POLR3B: variants seen among roughly 807,000 people sequenced by gnomAD.
POLR3B encodes the protein RNA polymerase III subunit B.
A neutral mutation model predicts 147.4 loss-of-function variants in POLR3B; 96 were observed. The ratio of observed to expected loss-of-function variants is 0.65; its 90% CI spans 0.55 to 0.77. The LOEUF (loss-of-function observed/expected upper bound fraction) is 0.77. Among genes scored for constraint, POLR3B ranks in the 30% least tolerant of loss-of-function variants. The pLI, the probability that POLR3B is intolerant of heterozygous loss-of-function variation, is 0.00. For synonymous variants in POLR3B, 461 were observed against 485.9 expected, an observed-to-expected ratio of 0.95 and a Z score of 0.67; for missense variants, 1,036 against 1,413.5, an observed-to-expected ratio of 0.73 and a Z score of 4.28.
intron 23 of POLR3B, among the ~76,000 whole-genome samples, chr12:106,489,247 C>T (rs1012635540): frequency 2.0e-5 from 3 of 152,148 alleles, no homozygotes; most frequent in Non-Finnish European, 4.4e-5. Context: ...CCTTAAGGAC[C>T]AGACAGCTAG....
At chr12:106,430,685 G>A (rs1001689380) in intron 14 of POLR3B, among the ~76,000 whole-genome samples, 1 of 152,176 alleles carries the variant, frequency 6.6e-6, no homozygotes. Context: ...GATTCAGTAT[G>A]TTAGCTAAAA....
At chr12:106,361,607 A>G (rs1160453401) in intron 1 of POLR3B, among the ~76,000 whole-genome samples, 1 of 152,186 alleles carries the variant, frequency 6.6e-6, no homozygotes, top group Non-Finnish European at 1.5e-5. Context: ...CAGGATAGAC[A>G]GGGTCACTGC....
At chr12:106,390,456 A>C (rs1296503189) in intron 9 of POLR3B, among the ~76,000 whole-genome samples, 1 of 152,088 alleles carries the variant, frequency 6.6e-6, no homozygotes, top group African/African-American at 2.4e-5. Context: ...AGTAAATGCA[A>C]CTCAGTGTGC....
chr12:106,365,182 T>G (rs1304453942), intron 2 of POLR3B, among the ~76,000 whole-genome samples: 3 of 152,072 alleles, frequency 2.0e-5, no homozygotes, highest in African/African-American at 4.8e-5. Flanking sequence ...TTTTGGACTC[T>G]ACTCTAGAGT....
intron 11 of POLR3B, 26 bp from the exon 12 acceptor site, chr12:106,410,800 A>T: frequency 6.2e-7 from 1 of 1,610,838 alleles, no homozygotes; most frequent in Non-Finnish European, 8.5e-7. Flanking sequence ...TTTTCTCAAA[A>T]TTTTTCTCCA....
At chr12:106,398,012 C>T (rs1042352459) in intron 10 of POLR3B, among the ~76,000 whole-genome samples, 4 of 152,310 alleles carry the variant, frequency 2.6e-5, no homozygotes, top group Admixed American at 6.5e-5. Context: ...GCGCACCGTG[C>T]GTGAGCCAAA....
intron 16 of POLR3B, among the ~76,000 whole-genome samples, chr12:106,434,555 G>T (rs1464430982): frequency 6.6e-6 from 1 of 151,556 alleles, no homozygotes; most frequent in African/African-American, 2.4e-5. Flanking sequence ...TTGTGCACAG[G>T]TACTATCTAG....
Position 106,378,651 on chromosome 12 carries a change from TA to T in POLR3B, c.614+280del, listed in dbSNP as rs11351722. On this transcript the variant is annotated intron_variant, in intron 8 of 27. Coordinates refer to ENST00000228347, the MANE Select transcript of POLR3B (RefSeq NM_018082.6). The stretch of plus-strand genomic sequence containing the variant: ...AGCTTATAGAGCATGAAAGGAGATT[TA>T]AAAAAAAAAAAATAAAACCACTCTT... Among the ~76,000 whole-genome samples the T allele has an allele frequency of 0.1, 15,601 of 149,134 alleles. 1,051 individuals are homozygous for T. The highest frequency in any genetic ancestry group is 0.15 in the Non-Finnish European group (9,901 of 67,134).
chr12:106,418,696 T>C (rs2136945189), intron 12 of POLR3B, among the ~76,000 whole-genome samples: 1 of 152,360 alleles, frequency 6.6e-6, no homozygotes, highest in East Asian at 1.9e-4. Context: ...AAAGGCCTTG[T>C]GCTACCAAGG....
intron 10 of POLR3B, among the ~76,000 whole-genome samples, chr12:106,401,964 C>A (rs1220121350): frequency 6.6e-6 from 1 of 152,146 alleles, no homozygotes; most frequent in African/African-American, 2.4e-5. Context: ...CTGGCCAGGG[C>A]AATCAGGCAG....
intron 20 of POLR3B, among the ~76,000 whole-genome samples, chr12:106,455,246 A>G (rs2037849201): frequency 6.6e-6 from 1 of 152,180 alleles, no homozygotes; most frequent in African/African-American, 2.4e-5. Context: ...TACTTTCACA[A>G]GTCACCACCT....
chr12:106,357,821 T>C lies in POLR3B; in HGVS notation c.-59T>C, dbSNP rs1204360615. On this transcript the variant is annotated 5_prime_UTR_variant, in exon 1 of 28. Transcript: ENST00000228347. ...GTTCGCCGGGAGTCTTGCAGTTTGC[T>C]TGGTGCAGGGAAGGCGGGCGCGGAG... 2 of 1,537,530 alleles carry C rather than the reference T, an allele frequency of 1.3e-6. No individual in the cohort carries two copies. Among genetic ancestry groups the C allele is most frequent in the East Asian group, 2.3e-5 (1 of 43,780 alleles).
chr12:106,370,617 T>G (rs1192662175), intron 6 of POLR3B, among the ~76,000 whole-genome samples: 2 of 151,800 alleles, frequency 1.3e-5, no homozygotes, highest in Non-Finnish European at 2.9e-5. Flanking sequence ...TATCAGTGTT[T>G]TTTTTGTTTT....
At chr12:106,440,893 A>G (rs1231455715) in intron 18 of POLR3B, among the ~76,000 whole-genome samples, 1 of 152,138 alleles carries the variant, frequency 6.6e-6, no homozygotes, top group Non-Finnish European at 1.5e-5. Context: ...GCGTTACCCA[A>G]TTACCAAGCT....
chr12:106,369,841 T>C (rs2036580305), intron 6 of POLR3B, among the ~76,000 whole-genome samples, 158 bp downstream of exon 6: 1 of 152,202 alleles, frequency 6.6e-6, no homozygotes, highest in Admixed American at 6.5e-5. Context: ...CAGCACATAG[T>C]CGTGGTTGTT....
chr12:106,449,736 CAG>C (rs949451519), intron 19 of POLR3B, among the ~76,000 whole-genome samples: 3 of 151,972 alleles, frequency 2.0e-5, no homozygotes, highest in African/African-American at 7.3e-5. Context: ...CTTGCTGTCT[CAG>C]GGGTAGTAAA....
intron 23 of POLR3B, among the ~76,000 whole-genome samples, chr12:106,487,461 A>G (rs1279270108): frequency 1.3e-5 from 2 of 152,216 alleles, no homozygotes; most frequent in African/African-American, 4.8e-5. Context: ...ACCTTTGTGC[A>G]TATTATTTTT....
intron 13 of POLR3B, among the ~76,000 whole-genome samples, chr12:106,428,546 A>C (rs558910736): frequency 7.6e-4 from 115 of 152,306 alleles, no homozygotes; most frequent in Middle Eastern, 3.4e-3. Context: ...TACAGAATAC[A>C]AGAACAAATT....
At chr12:106,436,575 C>A (rs1486750990) in intron 16 of POLR3B, among the ~76,000 whole-genome samples, 1 of 152,224 alleles carries the variant, frequency 6.6e-6, no homozygotes, top group African/African-American at 2.4e-5. Context: ...AACCTCACAA[C>A]ACAACGCCGT....
Sources: allele counts gnomAD v4.1 joint callset (sites outside exome capture counted in the v4.1 genomes callset), GRCh38; gene constraint gnomAD v4.1.1; transcripts MANE v1.5; gene names NCBI Gene and HGNC (gene_info 2026-07-23, HGNC 2026-07-21).